HDAC8: variants seen among roughly 807,000 people sequenced by gnomAD.
HDAC8 encodes the protein histone deacetylase 8, also known as histone deacetylase-like 1.
HDAC8 carries 1 observed loss-of-function variant against 32.2 expected under a neutral mutation model. The observed-to-expected ratio is 0.03, with a 90% confidence interval of 0.01 to 0.15. The LOEUF (loss-of-function observed/expected upper bound fraction) is 0.15. Ranked by LOEUF, HDAC8 falls within the 10% of genes least tolerant of loss-of-function variation. HDAC8 has a pLI of 1.00. For synonymous variants in HDAC8, 108 were observed against 113.9 expected (o/e 0.95, Z 0.33); for missense variants, 117 against 300.0 (o/e 0.39, Z 4.51).
intron 10 of HDAC8, among the ~76,000 whole-genome samples, chrX:72,345,690 T>C (rs1473232383): frequency 9.0e-6 from 1 of 111,307 alleles, no homozygotes; most frequent in Non-Finnish European, 1.9e-5. Flanking sequence ...TAAAAAAAAT[T>C]TTTTTTTGTA....
chrX:72,339,072 A>T (rs1555944029), intron 10 of HDAC8, among the ~76,000 whole-genome samples: 1 of 111,491 alleles, frequency 9.0e-6, no homozygotes, highest in Non-Finnish European at 1.9e-5. Flanking sequence ...TGTCTCTCAT[A>T]TAGAGGAACA....
intron 4 of HDAC8, among the ~76,000 whole-genome samples, chrX:72,532,374 G>A (rs1005271652): frequency 2.3e-4 from 25 of 106,545 alleles, no homozygotes; most frequent in Non-Finnish European, 2.5e-4. Context: ...GATTACAGGC[G>A]TAAGCCATTG....
intron 9 of HDAC8, among the ~76,000 whole-genome samples, chrX:72,424,196 T>G (rs953997369): frequency 4.5e-5 from 5 of 111,865 alleles, no homozygotes; most frequent in African/African-American, 1.3e-4. Flanking sequence ...TCTTGAAGCT[T>G]TTTATGTGAT....
chrX:72,438,045 T>A (rs2036981389), intron 9 of HDAC8, among the ~76,000 whole-genome samples: 1 of 112,259 alleles, frequency 8.9e-6, no homozygotes, highest in Non-Finnish European at 1.9e-5. Flanking sequence ...GCCTCCTGAA[T>A]GGAAGATACC....
At chrX:72,485,095 C>T (rs1447715467) in intron 7 of HDAC8, among the ~76,000 whole-genome samples, 2 of 110,993 alleles carry the variant, frequency 1.8e-5, no homozygotes, top group African/African-American at 6.6e-5. Flanking sequence ...CAGGTTTAGG[C>T]CTTCACATAC....
chrX:72,445,989 A>C (rs1303530903), intron 9 of HDAC8, among the ~76,000 whole-genome samples: 20 of 112,167 alleles, frequency 1.8e-4, no homozygotes, highest in Admixed American at 3.8e-4. Flanking sequence ...AATGAGATAC[A>C]ATCTCACACC....
intron 4 of HDAC8, among the ~76,000 whole-genome samples, chrX:72,504,189 A>G (rs1242451784): frequency 3.6e-5 from 4 of 112,102 alleles, no homozygotes; most frequent in Non-Finnish European, 7.5e-5. Flanking sequence ...TACATAACAT[A>G]AAATTAATTA....
At chrX:72,492,209 T>C (rs782149902) in intron 5 of HDAC8, among the ~76,000 whole-genome samples, 49 of 112,432 alleles carry the variant, frequency 4.4e-4, no homozygotes, top group African/African-American at 1.5e-3. Context: ...GTTGTACCAA[T>C]TTACACTTGG....
intron 4 of HDAC8, among the ~76,000 whole-genome samples, chrX:72,536,659 C>T (rs1292722307): frequency 1.8e-5 from 2 of 112,006 alleles, no homozygotes; most frequent in Admixed American, 1.9e-4. Flanking sequence ...TAACTACCCA[C>T]TTGACATTTA....
intron 4 of HDAC8, among the ~76,000 whole-genome samples, chrX:72,509,774 T>A (rs2049517414): frequency 9.0e-6 from 1 of 111,093 alleles, no homozygotes; most frequent in African/African-American, 3.3e-5. Context: ...TCCTTGTAAT[T>A]TCTTCTATTT....
intron 9 of HDAC8, among the ~76,000 whole-genome samples, chrX:72,412,024 C>G (rs782762136): frequency 4.5e-5 from 5 of 112,029 alleles, no homozygotes; most frequent in Non-Finnish European, 9.4e-5. Flanking sequence ...AGAATTTAAT[C>G]TAACAAATGG....
At chrX:72,441,161 G>A (rs1006013941) in intron 9 of HDAC8, among the ~76,000 whole-genome samples, 2 of 112,795 alleles carry the variant, frequency 1.8e-5, no homozygotes, top group African/African-American at 6.4e-5. Flanking sequence ...ATGTCCCTGT[G>A]TGACAGCTTT....
intron 9 of HDAC8, among the ~76,000 whole-genome samples, chrX:72,424,240 T>C (rs782768556): frequency 1.8e-5 from 2 of 112,087 alleles, no homozygotes; most frequent in South Asian, 7.5e-4. Flanking sequence ...GTTTACCTTT[T>C]AGGATAGCTT....
Position 72,572,803 on chromosome X carries a change from C to CT in HDAC8, c.-43dup, listed in dbSNP as rs1267138301. ...TTCCGCAGCCACCTTCCAGATCTGG[C>CT]TTTTTTCGGACTCGGCCAGGGTTCC... On this transcript the variant is annotated 5_prime_UTR_variant, in exon 1 of 11. Transcript: ENST00000373573. The CT allele has an allele frequency of 8.1e-6, 9 of 1,105,281 alleles. No individual in the cohort carries two copies. The highest frequency in any genetic ancestry group is 2.4e-4 in the Middle Eastern group (1 of 4,122). The allele number at this position is 1,105,281 out of a possible 1,213,427, so 91.1% of individuals were successfully genotyped here. A position where few individuals can be genotyped will look rare whatever the true frequency, so the allele number is the denominator to read the frequency against.
intron 9 of HDAC8, among the ~76,000 whole-genome samples, chrX:72,376,600 G>A (rs1259360685): frequency 9.1e-6 from 1 of 110,199 alleles, no homozygotes; most frequent in Non-Finnish European, 1.9e-5. Context: ...TGTATTTTTA[G>A]CAGAGACAGG....
At chrX:72,461,826 G>C (rs1555991800) in intron 9 of HDAC8, among the ~76,000 whole-genome samples, 178 bp downstream of exon 9, 1 of 111,802 alleles carries the variant, frequency 8.9e-6, no homozygotes, top group Non-Finnish European at 1.9e-5. Context: ...AAACAAAAAG[G>C]CAGAAGGTCT....
chrX:72,394,173 A>T (rs2045693692), intron 9 of HDAC8, among the ~76,000 whole-genome samples: 1 of 111,866 alleles, frequency 8.9e-6, no homozygotes, highest in Admixed American at 9.4e-5. Context: ...GCATTTTGGA[A>T]TTGAGAGTCT....
intron 9 of HDAC8, among the ~76,000 whole-genome samples, chrX:72,436,711 CT>C (rs1311681395): frequency 9.0e-6 from 1 of 111,451 alleles, no homozygotes; most frequent in Non-Finnish European, 1.9e-5. Context: ...TCCTCTTAAC[CT>C]TTCTAAATTA....
At chrX:72,472,116 G>A (rs1439391974) in intron 7 of HDAC8, among the ~76,000 whole-genome samples, 5 of 104,175 alleles carry the variant, frequency 4.8e-5, no homozygotes, top group Non-Finnish European at 9.8e-5. Flanking sequence ...CGCCCAGGCT[G>A]GAGTGCAGTG....
Sources: gnomAD v4.1 joint callset for allele counts (sites outside exome capture counted in the v4.1 genomes callset) on GRCh38, gnomAD v4.1.1 for gene constraint, MANE v1.5 for transcripts, NCBI Gene and HGNC (gene_info 2026-07-23, HGNC 2026-07-21) for gene names.